ST7: variants seen among roughly 807,000 people sequenced by gnomAD.
ST7 encodes the protein suppression of tumorigenicity 7, also known as suppressor of tumorigenicity 7 protein.
Under a neutral mutation model 78.7 loss-of-function variants are expected in ST7, and 28 were observed. The observed-to-expected ratio is 0.36, with a 90% CI of 0.26 to 0.49. The LOEUF (loss-of-function observed/expected upper bound fraction) is 0.49. ST7 is among the 20% of genes least tolerant of loss of function. The pLI is 0.99. For missense variants in ST7, 418 were observed against 696.0 expected (o/e 0.60, Z 4.49); for synonymous variants, 247 against 249.6 (o/e 0.99, Z 0.10).
At chr7:117,074,751 G>A (rs1799222629) in intron 1 of ST7, 1 of 152,142 alleles carries the variant, frequency 6.6e-6, no homozygotes, top group South Asian at 2.1e-4. Context: ...ATAAACAATG[G>A]TGTTCTATTT....
intron 12 of ST7, among the ~76,000 whole-genome samples, chr7:117,196,256 T>A (rs1810292449): frequency 6.6e-6 from 1 of 152,250 alleles, no homozygotes; most frequent in Admixed American, 6.5e-5. Context: ...CTCAAGATCC[T>A]GCTTTCACTT....
intron 9 of ST7, among the ~76,000 whole-genome samples, chr7:117,154,035 C>T (rs1806492608): frequency 6.6e-6 from 1 of 152,088 alleles, no homozygotes; most frequent in Non-Finnish European, 1.5e-5. Flanking sequence ...AATTACAGAG[C>T]ATAGGAGGGG....
chr7:117,088,809 T>C (rs1032241678), intron 1 of ST7, among the ~76,000 whole-genome samples: 2 of 151,540 alleles, frequency 1.3e-5, no homozygotes, highest in Non-Finnish European at 2.9e-5. Context: ...CAAATGGGAG[T>C]GTCCTTTTAT....
At chr7:117,177,084 C>T (rs1386937848) in intron 10 of ST7, among the ~76,000 whole-genome samples, 1 of 152,154 alleles carries the variant, frequency 6.6e-6, no homozygotes, top group East Asian at 1.9e-4. Context: ...TGGCTTCATG[C>T]CTGTAAGCAC....
At chr7:117,101,243 C>T (rs2116812182) in intron 2 of ST7, among the ~76,000 whole-genome samples, 1 of 152,322 alleles carries the variant, frequency 6.6e-6, no homozygotes, top group Non-Finnish European at 1.5e-5. Context: ...TCCTCCCACA[C>T]ATCTCCATTC....
intron 1 of ST7, among the ~76,000 whole-genome samples, chr7:117,088,754 A>T (rs1180971673): frequency 1.3e-5 from 2 of 152,228 alleles, no homozygotes; most frequent in Non-Finnish European, 2.9e-5. Context: ...TGCATGGCTG[A>T]TGCTGTGAAG....
At chr7:117,206,693 T>A (rs923783324) in intron 12 of ST7, among the ~76,000 whole-genome samples, 1 of 152,202 alleles carries the variant, frequency 6.6e-6, no homozygotes, top group African/African-American at 2.4e-5. Context: ...TTAGATTAAT[T>A]TTTGTTGTAT....
At chr7:117,106,616 C>CTTTTTTTTTTTTT (rs758855564) in intron 2 of ST7, among the ~76,000 whole-genome samples, 2 of 107,724 alleles carry the variant, frequency 1.9e-5, no homozygotes, top group Non-Finnish European at 3.9e-5. Flanking sequence ...TTGTATCATT[C>CTTTTTTTTTTTTT]TTTTTTTTTT....
At chr7:116,974,237 T>C (rs993364820) in intron 1 of ST7, among the ~76,000 whole-genome samples, 1 of 152,146 alleles carries the variant, frequency 6.6e-6, no homozygotes, top group Non-Finnish European at 1.5e-5. Flanking sequence ...CCATTTTGTC[T>C]ATAAAACCAA....
intron 3 of ST7, among the ~76,000 whole-genome samples, chr7:117,126,189 A>G (rs1023045659): frequency 6.6e-6 from 1 of 151,972 alleles, no homozygotes; most frequent in Non-Finnish European, 1.5e-5. Context: ...ACTTTTTAGT[A>G]TAAGAAACCC....
At chr7:116,961,752 A>G (rs765136915) in intron 1 of ST7, among the ~76,000 whole-genome samples, 8 of 150,750 alleles carry the variant, frequency 5.3e-5, no homozygotes, top group Non-Finnish European at 7.4e-5. Flanking sequence ...GGCTGAGACT[A>G]TGGGGTTTTC....
Position 117,169,137 on chromosome 7 carries a change from C to CT in ST7, c.964-1709dup, listed in dbSNP as rs36088347. ...TTACCTTCTTTTTTTAATCTTCTTC[C>CT]TTTTTTTTTTTTTTTTGAGACGGAG... On this transcript the variant is annotated intron_variant, in intron 9 of 15. Transcript: ENST00000323984. Among the ~76,000 whole-genome samples, 706 of 110,600 alleles carry CT rather than the reference C, an allele frequency of 6.4e-3. 8 individuals carry two copies. Among genetic ancestry groups the CT allele is most frequent in the South Asian group, 0.011 (38 of 3,340 alleles). 72.6% of individuals were successfully genotyped at this position (110,600 alleles called of 152,430 possible).
chr7:117,213,149 C>A (rs939088145), intron 13 of ST7, among the ~76,000 whole-genome samples: 2 of 152,228 alleles, frequency 1.3e-5, no homozygotes, highest in South Asian at 2.1e-4. Flanking sequence ...GCATAGGAAG[C>A]CTGTGCAGGA....
At chr7:117,011,804 T>G (rs912141621) in intron 1 of ST7, among the ~76,000 whole-genome samples, 2 of 152,120 alleles carry the variant, frequency 1.3e-5, no homozygotes, top group African/African-American at 4.8e-5. Context: ...ATGATGTGAT[T>G]GTTTGGGAAG....
At chr7:117,114,770 G>A (rs1016636440) in intron 2 of ST7, among the ~76,000 whole-genome samples, 6 of 152,174 alleles carry the variant, frequency 3.9e-5, no homozygotes, top group Non-Finnish European at 8.8e-5. Flanking sequence ...AGAAGAGGAG[G>A]ACTTATTGGA....
intron 9 of ST7, among the ~76,000 whole-genome samples, chr7:117,170,471 A>G (rs994953004): frequency 2.6e-5 from 4 of 152,198 alleles, no homozygotes; most frequent in African/African-American, 9.6e-5. Flanking sequence ...TCATGAGGTC[A>G]GGAGATCAAG....
intron 3 of ST7, among the ~76,000 whole-genome samples, chr7:117,125,930 G>A (rs1307193827): frequency 6.6e-6 from 1 of 151,914 alleles, no homozygotes; most frequent in African/African-American, 2.4e-5. Context: ...CTGGACACCA[G>A]GCCTTAATCT....
In ST7 at chr7:117,198,578, C is replaced by T. The variant is rs954414615; in HGVS notation, c.1254+7642C>T. ...CTTGTGGCTGATTGTTACCCATTTC[C>T]GACCTGTGTCTTATATTCTTGTTCT... is the stretch of plus-strand genomic sequence containing the variant. On this transcript the variant is annotated intron_variant, in intron 12 of 15. Transcript: ENST00000323984. 34 of 275,912 alleles carry T rather than the reference C, an allele frequency of 1.2e-4. No homozygotes were observed. In the Middle Eastern group the frequency reaches 4.2e-3, roughly 34 times the overall value. The allele number at this position is 275,912 out of a possible 1,614,324, so 17.1% of individuals were successfully genotyped here. A position where few individuals can be genotyped will look rare whatever the true frequency, so the allele number is the denominator to read the frequency against.
intron 1 of ST7, chr7:116,956,600 G>C (rs1316558949): frequency 2.1e-6 from 1 of 471,202 alleles, no homozygotes; most frequent in East Asian, 6.9e-5. Flanking sequence ...GCCCAGCTCT[G>C]TACCTGTAGG....
Sources: gnomAD v4.1 joint callset for allele counts (sites outside exome capture counted in the v4.1 genomes callset) on GRCh38, gnomAD v4.1.1 for gene constraint, MANE v1.5 for transcripts, NCBI Gene and HGNC (gene_info 2026-07-23, HGNC 2026-07-21) for gene names.